The following CPEB3 variants were observed in gnomAD, a reference collection of about 807,000 sequenced individuals.
CPEB3 encodes the protein cytoplasmic polyadenylation element binding protein 3.
In CPEB3, 20 loss-of-function variants were observed where a neutral mutation model predicts 67.2. That is an observed-to-expected ratio of 0.30 (90% CI 0.21 to 0.43). The LOEUF is 0.43. Among genes scored for constraint, CPEB3 ranks in the 20% least tolerant of loss-of-function variants. CPEB3 has a pLI of 1.00. For missense variants in CPEB3, 746 were observed against 968.6 expected (o/e 0.77, Z 3.05); for synonymous variants, 376 against 393.1 (o/e 0.96, Z 0.51).
At chr10:92,147,370 C>T (rs897916662) in intron 4 of CPEB3, among the ~76,000 whole-genome samples, 1 of 151,952 alleles carries the variant, frequency 6.6e-6, no homozygotes, top group African/African-American at 2.4e-5. Context: ...GTGGGAGGAT[C>T]GCTTGAGTCC....
intron 1 of CPEB3, among the ~76,000 whole-genome samples, chr10:92,249,197 T>C (rs35568490): frequency 6.6e-6 from 1 of 151,992 alleles, no homozygotes; most frequent in African/African-American, 2.4e-5. Flanking sequence ...GCCAACATGG[T>C]GAAACCCCAT....
intron 1 of CPEB3, among the ~76,000 whole-genome samples, chr10:92,270,355 T>A (rs1275391050): frequency 6.6e-6 from 1 of 152,040 alleles, no homozygotes; most frequent in Non-Finnish European, 1.5e-5. Context: ...GGAAGTACAT[T>A]CCATGCAAAG....
chr10:92,091,656 G>C (rs181972845), intron 8 of CPEB3, among the ~76,000 whole-genome samples, 174 bp downstream of exon 8: 3 of 152,280 alleles, frequency 2.0e-5, no homozygotes, highest in Admixed American at 1.3e-4. Context: ...TAACAAAATA[G>C]AGCATTTTGG....
At chr10:92,215,755 T>C (rs904846972) in intron 2 of CPEB3, among the ~76,000 whole-genome samples, 3 of 142,088 alleles carry the variant, frequency 2.1e-5, no homozygotes, top group African/African-American at 5.3e-5. Context: ...TTTTTTTTTT[T>C]TTTCTTTTTT....
chr10:92,056,143 C>T (rs1842103467), intron 9 of CPEB3, among the ~76,000 whole-genome samples: 1 of 152,176 alleles, frequency 6.6e-6, no homozygotes, highest in Non-Finnish European at 1.5e-5. Context: ...AGGGTGCTGT[C>T]CCTGCAGAGC....
At chr10:92,206,993 T>C (rs1849823233) in intron 2 of CPEB3, among the ~76,000 whole-genome samples, 1 of 151,938 alleles carries the variant, frequency 6.6e-6, no homozygotes, top group African/African-American at 2.4e-5. Flanking sequence ...TTTTTCCTTT[T>C]TTTTTGTTTT....
intron 6 of CPEB3, among the ~76,000 whole-genome samples, chr10:92,113,331 A>C (rs1241518655): frequency 6.6e-6 from 1 of 152,244 alleles, no homozygotes; most frequent in African/African-American, 2.4e-5. Flanking sequence ...ACCAGGTGCC[A>C]GGGAATCTTA....
chr10:92,280,037 G>C (rs990196159), intron 1 of CPEB3, among the ~76,000 whole-genome samples: 2 of 151,886 alleles, frequency 1.3e-5, no homozygotes, highest in Non-Finnish European at 2.9e-5. Context: ...GAGAAAGAGA[G>C]AGAGAAAGAG....
chr10:92,259,324 G>A (rs1398571624), intron 1 of CPEB3, among the ~76,000 whole-genome samples: 15 of 151,856 alleles, frequency 9.9e-5, no homozygotes, highest in African/African-American at 2.4e-4. Context: ...ATCTATGGCC[G>A]GGTGCGATGG....
chr10:92,084,164 C>CAAAA (rs58877359), intron 8 of CPEB3, among the ~76,000 whole-genome samples: 7 of 94,014 alleles, frequency 7.4e-5, no homozygotes, highest in African/African-American at 2.4e-4. Context: ...GACTCTGTCT[C>CAAAA]AAAAAAAAAA....
At chr10:92,290,336 T>C (rs1298231277) in intron 1 of CPEB3, among the ~76,000 whole-genome samples, 1 of 151,866 alleles carries the variant, frequency 6.6e-6, no homozygotes, top group Non-Finnish European at 1.5e-5. Context: ...TTCTCCTTTT[T>C]GATTCCCCAC....
intron 1 of CPEB3, among the ~76,000 whole-genome samples, chr10:92,259,162 C>A (rs1590557848): frequency 6.6e-6 from 1 of 151,374 alleles, no homozygotes; most frequent in East Asian, 2.0e-4. Context: ...GGGGTTTCAC[C>A]ATGTTGGCCA....
chr10:92,122,361 T>C (rs1239026206), intron 6 of CPEB3, among the ~76,000 whole-genome samples: 2 of 152,194 alleles, frequency 1.3e-5, no homozygotes, highest in African/African-American at 4.8e-5. Flanking sequence ...CAGAGTTCAT[T>C]AGTTAGAGTA....
intron 2 of CPEB3, among the ~76,000 whole-genome samples, chr10:92,237,334 C>T (rs955350749): frequency 2.0e-5 from 3 of 152,172 alleles, no homozygotes; most frequent in Non-Finnish European, 4.4e-5. Context: ...TCAAATCTGT[C>T]CTCCTACAAA....
intron 2 of CPEB3, among the ~76,000 whole-genome samples, chr10:92,194,834 G>A (rs944476178): frequency 3.9e-5 from 6 of 152,040 alleles, no homozygotes; most frequent in African/African-American, 1.4e-4. Flanking sequence ...GAGGTCAGGA[G>A]ATCGAGACCA....
intron 4 of CPEB3, among the ~76,000 whole-genome samples, chr10:92,171,169 A>T (rs537032495): frequency 6.6e-6 from 1 of 152,270 alleles, no homozygotes; most frequent in Admixed American, 6.5e-5. Context: ...CAAGGAATTG[A>T]CCTGGACATT....
chr10:92,117,321 T>C (rs548960438), intron 6 of CPEB3, among the ~76,000 whole-genome samples: 1 of 105,720 alleles, frequency 9.5e-6, no homozygotes, highest in Non-Finnish European at 1.9e-5. Context: ...CATGCCTGGC[T>C]GACTTTTTTT....
rs530976528 is a variant in CPEB3, at chr10:92,048,273, C to T, written c.*3939G>A. The T allele has an allele frequency of 1.3e-5, 2 of 152,340 alleles. 1 individual carries two copies. The highest frequency in any genetic ancestry group is 4.1e-4 in the South Asian group (2 of 4,826). The allele number at this position is 152,340 out of a possible 1,614,324, so 9.4% of individuals were successfully genotyped here. A position where few individuals can be genotyped will look rare whatever the true frequency, so the allele number is the denominator to read the frequency against. Reference sequence around the variant, plus strand: ...GTCCTCTTAGCAACTTCCTGTATGACTCCGATATCACCACTGTCAGTGCAC... The same window carrying T: ...GTCCTCTTAGCAACTTCCTGTATGATTCCGATATCACCACTGTCAGTGCAC... On this transcript the variant is annotated 3_prime_UTR_variant, in exon 10 of 10. Transcript: ENST00000265997. The surrounding 1 kb of genome is among the most constrained non-coding windows in gnomAD (Gnocchi z 4.1).
intron 2 of CPEB3, among the ~76,000 whole-genome samples, chr10:92,199,903 G>C (rs958611134): frequency 2.0e-5 from 3 of 151,754 alleles, no homozygotes; most frequent in African/African-American, 7.3e-5. Flanking sequence ...CACAGAGAGA[G>C]AGAGAGAGAG....
Sources: allele counts gnomAD v4.1 joint callset (sites outside exome capture counted in the v4.1 genomes callset), GRCh38; gene constraint gnomAD v4.1.1; non-coding constraint Gnocchi (gnomAD v3.1); transcripts MANE v1.5; gene names NCBI Gene and HGNC (gene_info 2026-07-23, HGNC 2026-07-21).